The following C12orf42 variants were observed in gnomAD, a reference collection of about 807,000 sequenced individuals.
C12orf42 encodes chromosome 12 open reading frame 42, also known as uncharacterized protein C12orf42.
C12orf42 carries 25 observed loss-of-function variants against 21.6 expected under a neutral mutation model. That is an observed-to-expected ratio of 1.16 (90% CI 0.84 to 1.62). C12orf42 has a LOEUF of 1.62. Ranked by LOEUF, C12orf42 falls within the 40% of genes most tolerant of loss-of-function variation. C12orf42 has a pLI of 0.00. For missense variants in C12orf42, 483 were observed against 459.3 expected, an observed-to-expected ratio of 1.05 and a Z score of -0.47; for synonymous variants, 174 against 175.0, an observed-to-expected ratio of 0.99 and a Z score of 0.05.
At chr12:103,464,258 T>C (rs1673623827) in intron 2 of C12orf42, among the ~76,000 whole-genome samples, 1 of 152,200 alleles carries the variant, frequency 6.6e-6, no homozygotes, top group African/African-American at 2.4e-5. Flanking sequence ...CTTTTTATAA[T>C]TGCCATTCTG....
the C12orf42 span, among the ~76,000 whole-genome samples, chr12:103,156,747 T>G: frequency 6.6e-6 from 1 of 152,150 alleles, no homozygotes; most frequent in South Asian, 2.1e-4. Context: ...TTTTCTGTGT[T>G]AGTTTGCTGA....
rs1313332885 is a variant in C12orf42 at position 103,294,563 on chromosome 12, A to G, written n.338-17353T>C. Among the ~76,000 whole-genome samples, 27 of 131,260 alleles carry G rather than the reference A, an allele frequency of 2.1e-4. No individual in the cohort carries two copies. The South Asian group carries it at 3.6e-3, about 17-fold the overall frequency. The allele number at this position is 131,260 out of a possible 152,430, so 86.1% of individuals were successfully genotyped here. Reference sequence around the variant, plus strand: ...CAAGCAAGAAAGAAAGAAAGAAAGAAAAAGAAAGGAAGGAAGGAAGGAAAG... The same window carrying G: ...CAAGCAAGAAAGAAAGAAAGAAAGAGAAAGAAAGGAAGGAAGGAAGGAAAG... On this transcript the variant is annotated intron_variant and non_coding_transcript_variant, in intron 4 of 6. Coordinates refer to the C12orf42 transcript ENST00000546526.
the C12orf42 span, among the ~76,000 whole-genome samples, chr12:103,072,594 A>T: frequency 6.6e-6 from 1 of 152,164 alleles, no homozygotes; most frequent in African/African-American, 2.4e-5. Context: ...CTAAGCTATT[A>T]GAAAGTGCCC....
downstream of C12orf42, among the ~76,000 whole-genome samples, chr12:103,235,782 C>T (rs2033448627): frequency 6.6e-6 from 1 of 152,124 alleles, no homozygotes; most frequent in Admixed American, 6.5e-5. Flanking sequence ...TAATATTGTG[C>T]TTGGAGATCC....
chr12:103,547,143 C>T, the C12orf42 span, among the ~76,000 whole-genome samples: 1 of 152,194 alleles, frequency 6.6e-6, no homozygotes, highest in East Asian at 1.9e-4. Context: ...GGTCCCCAGC[C>T]AAAAACTCAG....
the C12orf42 span, among the ~76,000 whole-genome samples, chr12:103,104,549 C>A: frequency 1.3e-5 from 2 of 152,008 alleles, no homozygotes; most frequent in Non-Finnish European, 2.9e-5. Flanking sequence ...CAAGCAATTC[C>A]CCTGCCTCAG....
At chr12:103,082,200 C>A in the C12orf42 span, among the ~76,000 whole-genome samples, 1 of 152,192 alleles carries the variant, frequency 6.6e-6, no homozygotes, top group Non-Finnish European at 1.5e-5. Context: ...AGGATTTGTT[C>A]AATGGCACAT....
chr12:103,162,999 C>T, the C12orf42 span: 1 of 152,132 alleles, frequency 6.6e-6, no homozygotes, highest in Admixed American at 6.5e-5. Context: ...ATTTGAAATC[C>T]ATTTCTATTG....
chr12:103,448,786 AT>A (rs912612207), intron 2 of C12orf42, among the ~76,000 whole-genome samples: 1 of 151,912 alleles, frequency 6.6e-6, no homozygotes, highest in African/African-American at 2.4e-5. Flanking sequence ...TAAAAAAAAA[AT>A]AGATGTTGGT....
At chr12:103,501,963 T>G in the C12orf42 span, among the ~76,000 whole-genome samples, 1 of 152,188 alleles carries the variant, frequency 6.6e-6, no homozygotes, top group Non-Finnish European at 1.5e-5. Context: ...CAAGCTGCGC[T>G]ACATTGAAAG....
chr12:103,322,766 A>C (rs1014154336), intron 4 of C12orf42, among the ~76,000 whole-genome samples: 3 of 152,238 alleles, frequency 2.0e-5, no homozygotes, highest in Non-Finnish European at 2.9e-5. Context: ...GTAAGAGTGC[A>C]TTAGGTTAAT....
intron 2 of C12orf42, among the ~76,000 whole-genome samples, chr12:103,405,383 C>T (rs2048343576): frequency 1.3e-5 from 2 of 152,104 alleles, no homozygotes; most frequent in African/African-American, 2.4e-5. Context: ...TACAGACATG[C>T]TGTTTTTGTT....
At chr12:103,229,279 C>G in the C12orf42 span, among the ~76,000 whole-genome samples, 19 of 152,152 alleles carry the variant, frequency 1.2e-4, no homozygotes, top group Non-Finnish European at 1.9e-4. Flanking sequence ...TTTCTGCATG[C>G]CTCTTAATAA....
At chr12:103,102,440 C>T in the C12orf42 span, among the ~76,000 whole-genome samples, 2 of 152,104 alleles carry the variant, frequency 1.3e-5, no homozygotes, top group African/African-American at 4.8e-5. Context: ...GGGACTGAGC[C>T]GTTACAGTAA....
At chr12:103,336,690 A>C (rs1160043112) in intron 4 of C12orf42, among the ~76,000 whole-genome samples, 1 of 152,244 alleles carries the variant, frequency 6.6e-6, no homozygotes, top group Non-Finnish European at 1.5e-5. Context: ...CTGACCAAGA[A>C]CATAAAAGGA....
At chr12:103,135,461 A>G in the C12orf42 span, among the ~76,000 whole-genome samples, 2 of 150,590 alleles carry the variant, frequency 1.3e-5, no homozygotes, top group African/African-American at 4.9e-5. Context: ...TATCTCAAAA[A>G]GAAAAAAAGA....
chr12:103,538,300 A>AGG, the C12orf42 span, among the ~76,000 whole-genome samples: 1 of 152,258 alleles, frequency 6.6e-6, no homozygotes, highest in African/African-American at 2.4e-5. Flanking sequence ...GAGGTAAAAG[A>AGG]TTTGCTCATG....
chr12:103,305,371 T>A (rs2038175446), intron 5 of C12orf42, among the ~76,000 whole-genome samples: 1 of 152,174 alleles, frequency 6.6e-6, no homozygotes, highest in Admixed American at 6.5e-5. Flanking sequence ...GTTCAGGAAA[T>A]TTTATTTATA....
chr12:103,545,195 T>C, the C12orf42 span, among the ~76,000 whole-genome samples: 1 of 152,234 alleles, frequency 6.6e-6, no homozygotes, highest in African/African-American at 2.4e-5. Context: ...GGAAATCTTA[T>C]CTACCATTCT....
Sources: gnomAD v4.1 joint callset for allele counts (sites outside exome capture counted in the v4.1 genomes callset) on GRCh38, gnomAD v4.1.1 for gene constraint, MANE v1.5 for transcripts, NCBI Gene and HGNC (gene_info 2026-07-23, HGNC 2026-07-21) for gene names.